ACSBG2: variants seen among roughly 807,000 people sequenced by gnomAD.
ACSBG2 encodes acyl-CoA synthetase bubblegum family member 2.
A neutral mutation model predicts 74.7 loss-of-function variants in ACSBG2; 62 were observed. That is an observed-to-expected ratio of 0.83 (90% CI 0.68 to 1.03). The LOEUF (loss-of-function observed/expected upper bound fraction) is 1.03, where lower values mean the gene tolerates loss of function less well. Ranked by LOEUF, ACSBG2 falls within the 50% of genes least tolerant of loss-of-function variation. The probability of loss-of-function intolerance (pLI) is 0.00; values close to 1 mark genes in which losing one functional copy is unlikely to be tolerated. For synonymous variants in ACSBG2, 309 were observed against 294.1 expected (o/e 1.05, Z -0.52); for missense variants, 730 against 817.6 (o/e 0.89, Z 1.31).
chr19:6,183,731 G>A (rs78421028), intron 10 of ACSBG2, among the ~76,000 whole-genome samples: 142 of 152,304 alleles, frequency 9.3e-4, no homozygotes, highest in African/African-American at 3.4e-3. Context: ...TCTTCTGGTT[G>A]TGTCTCTCCC....
At chr19:6,185,161 G>A (rs1421838852) in intron 10 of ACSBG2, among the ~76,000 whole-genome samples, 3 of 152,012 alleles carry the variant, frequency 2.0e-5, no homozygotes, top group Admixed American at 6.6e-5. Context: ...TCCTGGGCTC[G>A]AGCAATATTC....
At chr19:6,170,125 T>C (rs544647386) in intron 7 of ACSBG2, among the ~76,000 whole-genome samples, 2 of 152,306 alleles carry the variant, frequency 1.3e-5, no homozygotes, top group East Asian at 1.9e-4. Flanking sequence ...CTATGTTGAA[T>C]AGCAGTGGTG....
At chr19:6,192,382 C>T (rs994841801) in intron 14 of ACSBG2, among the ~76,000 whole-genome samples, 12 of 152,196 alleles carry the variant, frequency 7.9e-5, no homozygotes, top group Non-Finnish European at 1.5e-4. Flanking sequence ...TTCAGCTTCA[C>T]AAAGTGCTGT....
chr19:6,169,336 T>G (rs2089901988), intron 7 of ACSBG2, among the ~76,000 whole-genome samples: 1 of 152,222 alleles, frequency 6.6e-6, no homozygotes, highest in African/African-American at 2.4e-5. Flanking sequence ...CCAGCACCAC[T>G]TAGTGAATAG....
At chr19:6,166,280 T>TGTGTGTTTGTG (rs2089799967) in intron 7 of ACSBG2, among the ~76,000 whole-genome samples, 117 of 119,146 alleles carry the variant, frequency 9.8e-4, no homozygotes, top group African/African-American at 3.6e-3. Context: ...GTCAGGAAGG[T>TGTGTGTTTGTG]TGTGTGTGTG....
At chr19:6,138,468 G>GA (rs1491481652) in intron 1 of ACSBG2, among the ~76,000 whole-genome samples, 1,694 of 133,106 alleles carry the variant, frequency 0.013, 36 homozygotes, top group African/African-American at 0.038. Flanking sequence ...GGAAGAGAGA[G>GA]GGAGAGAGAG....
chr19:6,147,507 C>G lies in ACSBG2; in HGVS notation c.129C>G (p.His43Gln). The change falls in exon 3 of 15, where the codon CAC (histidine) becomes CAG (glutamine). Residue 43 changes from histidine (H) to glutamine (Q), a missense_variant. Coordinates refer to ENST00000588485, the MANE Select transcript of ACSBG2 (RefSeq NM_030924.5). ...AAGTCCTTCTGAGGCTATCCAAACA[C>G]GGACCAGGCCATGAGACCCCGATGA... The part of the protein sequence containing the change: ...DGEVLLRLSK[H>Q]GPGHETPMTI... 6.2e-7 allele frequency: 1 copy of G among 1,614,182 alleles called. No individual in the cohort carries two copies. Among genetic ancestry groups the G allele is most frequent in the Non-Finnish European group, 8.5e-7 (1 of 1,180,040 alleles).
intron 11 of ACSBG2, 100 bp downstream of exon 11, chr19:6,185,753 A>C (rs1341198835): frequency 8.1e-7 from 1 of 1,231,994 alleles, no homozygotes; most frequent in Non-Finnish European, 1.2e-6. Context: ...CCAGTTCCTC[A>C]CCTTCCAAGA....
intron 7 of ACSBG2, chr19:6,176,509 CA>C: frequency 1.3e-6 from 1 of 799,488 alleles, no homozygotes; most frequent in Non-Finnish European, 1.8e-6. Context: ...CACACACACA[CA>C]CGCACTCAGC....
chr19:6,151,509 C>G (rs1220167470), intron 3 of ACSBG2, among the ~76,000 whole-genome samples, 198 bp from the exon 4 acceptor site: 1 of 152,130 alleles, frequency 6.6e-6, no homozygotes, highest in African/African-American at 2.4e-5. Flanking sequence ...AGGGGTCTCA[C>G]TGTGTTGCCC....
chr19:6,190,045 C>T (rs1025578335), intron 13 of ACSBG2: 1 of 154,604 alleles, frequency 6.5e-6, no homozygotes, highest in Non-Finnish European at 1.4e-5. Context: ...GGTGTTTTGC[C>T]ATGTTGTCCA....
Position 6,156,563 on chromosome 19 carries a change from C to G in ACSBG2, c.507+12C>G. The G allele has an allele frequency of 6.5e-7, 1 of 1,533,698 alleles. No individual in the cohort carries two copies. The highest frequency in any genetic ancestry group is 8.8e-7 in the Non-Finnish European group (1 of 1,139,724). ...AGAAAATCCTTTCGGTAAACCCCTACCCAGCACTGCCTGCCAAAGTCACCC... is the reference window on the plus strand; with the variant it reads ...AGAAAATCCTTTCGGTAAACCCCTAGCCAGCACTGCCTGCCAAAGTCACCC... On this transcript the variant is annotated intron_variant, in intron 5 of 14. Coordinates refer to ENST00000588485, the MANE Select transcript of ACSBG2 (RefSeq NM_030924.5).
intron 8 of ACSBG2, among the ~76,000 whole-genome samples, chr19:6,182,284 G>A (rs572788946): frequency 6.7e-6 from 1 of 150,132 alleles, no homozygotes; most frequent in Admixed American, 6.6e-5. Context: ...GGAGAATCTT[G>A]CATCCTTTTT....
intron 7 of ACSBG2, among the ~76,000 whole-genome samples, 169 bp downstream of exon 7, chr19:6,166,184 T>C (rs1028902040): frequency 6.6e-6 from 1 of 151,636 alleles, no homozygotes; most frequent in Non-Finnish European, 1.5e-5. Flanking sequence ...AGTGCAGTGA[T>C]TGAGATCAAG....
chr19:6,153,888 A>G (rs1024391059), intron 4 of ACSBG2, among the ~76,000 whole-genome samples: 5 of 144,688 alleles, frequency 3.5e-5, no homozygotes, highest in African/African-American at 1.4e-4. Flanking sequence ...GAAAAGGAAA[A>G]GAAAAAAGAA....
intron 7 of ACSBG2, among the ~76,000 whole-genome samples, chr19:6,169,972 T>G (rs952191038): frequency 6.6e-6 from 1 of 152,212 alleles, no homozygotes; most frequent in Non-Finnish European, 1.5e-5. Flanking sequence ...AGGAGTGTTT[T>G]GGAGGAATCT....
At chr19:6,156,689 C>A in intron 5 of ACSBG2, 138 bp downstream of exon 5, 1 of 861,320 alleles carries the variant, frequency 1.2e-6, no homozygotes, top group Non-Finnish European at 1.6e-6. Context: ...TCCATGACCT[C>A]ATTAGTATAT....
Position 6,141,607 on chromosome 19 carries a change from G to A in ACSBG2, c.64G>A (p.Glu22Lys), listed in dbSNP as rs763921272. Residue 22 changes from glutamate (E) to lysine (K), a missense_variant, in exon 2 of 15, where the codon GAA (glutamate) becomes AAA (lysine). Coordinates refer to ENST00000588485, the MANE Select transcript of ACSBG2 (RefSeq NM_030924.5). ...KDLEVDMNKT[E>K]VTPRLWTTCR... ...TCTTGAAGTAGACATGAATAAAACA[G>A]AAGGTATATTGCACTAAAGAGTACG... is the stretch of plus-strand genomic sequence containing the variant. The A allele has an allele frequency of 2.5e-6, 4 of 1,590,936 alleles. No individual in the cohort carries two copies. Among genetic ancestry groups the A allele is most frequent in the South Asian group, 2.2e-5 (2 of 90,600 alleles).
chr19:6,177,873 A>AGTGTGT (rs1312425765), intron 8 of ACSBG2, among the ~76,000 whole-genome samples: 1 of 116,608 alleles, frequency 8.6e-6, no homozygotes, highest in African/African-American at 3.4e-5. Context: ...CTGAAAGTAA[A>AGTGTGT]GAGTGTGTGT....
Sources: allele counts gnomAD v4.1 joint callset (sites outside exome capture counted in the v4.1 genomes callset), GRCh38; gene constraint gnomAD v4.1.1; transcripts MANE v1.5; gene names NCBI Gene and HGNC (gene_info 2026-07-23, HGNC 2026-07-21).